Variants in MAEA observed in about 807,000 individuals in gnomAD.
MAEA encodes macrophage erythroblast attacher, E3 ubiquitin ligase, also known as E3 ubiquitin-protein transferase MAEA.
In MAEA, 22 loss-of-function variants were observed where a neutral mutation model predicts 46.2. That is an observed-to-expected ratio of 0.48 (90% CI 0.34 to 0.68). The LOEUF (loss-of-function observed/expected upper bound fraction) is 0.68. Ranked by LOEUF, MAEA falls within the 30% of genes least tolerant of loss-of-function variation. The pLI is 0.01. For missense variants in MAEA, 393 were observed against 558.1 expected (o/e 0.70, Z 2.98); for synonymous variants, 246 against 222.6 (o/e 1.11, Z -0.94).
At chr4:1,315,693 C>G in intron 3 of MAEA, 93 bp downstream of exon 3, 2 of 1,266,736 alleles carry the variant, frequency 1.6e-6, no homozygotes, top group Non-Finnish European at 2.2e-6. Context: ...TGCCTGTGTC[C>G]CTACATGCTT....
chr4:1,329,598 CGTCTTGGGAGTG>C, intron 5 of MAEA: 1 of 985,416 alleles, frequency 1.0e-6, no homozygotes, highest in South Asian at 4.7e-5. Context: ...CTGCTGGGGC[CGTCTTGGGAGTG>C]GTTCTCCAGG....
intron 5 of MAEA, chr4:1,329,186 G>T: frequency 1.0e-6 from 1 of 985,772 alleles, no homozygotes. Context: ...TCCGCATAGG[G>T]TCTGTTGACC....
At chr4:1,332,279 G>A (rs1711937571) in intron 5 of MAEA, 1 of 155,220 alleles carries the variant, frequency 6.4e-6, no homozygotes, top group African/African-American at 2.4e-5. Context: ...CCTGGAGGAA[G>A]GAGTGTCTGG....
At chr4:1,291,868 T>C (rs998781864) in intron 1 of MAEA, among the ~76,000 whole-genome samples, 1 of 152,216 alleles carries the variant, frequency 6.6e-6, no homozygotes, top group Non-Finnish European at 1.5e-5. Context: ...TAAAGAAATA[T>C]TATAGTGTCA....
intron 5 of MAEA, chr4:1,329,204 C>A: frequency 1.0e-6 from 1 of 985,676 alleles, no homozygotes; most frequent in Non-Finnish European, 1.2e-6. Context: ...ACCTGTTACC[C>A]CCACTCCGCA....
At chr4:1,329,611 G>A in intron 5 of MAEA, 5 of 985,526 alleles carry the variant, frequency 5.1e-6, no homozygotes, top group Non-Finnish European at 6.0e-6. Context: ...CTTGGGAGTG[G>A]TTCTCCAGGT....
Position 1,312,574 on chromosome 4 carries a change from C to T in MAEA, c.252+413C>T, listed in dbSNP as rs548766266. The stretch of plus-strand genomic sequence containing the variant: ...CCTCACGAGTAGCTGGGACTACAGG[C>T]GCCCACCACCACGCCCGTCTAATTT... On this transcript the variant is annotated intron_variant, in intron 2 of 8. Coordinates refer to ENST00000303400, the MANE Select transcript of MAEA (RefSeq NM_001017405.3). 2.9e-3 allele frequency: 527 copies of T among 179,330 alleles called. 1 individual carries two copies. The Middle Eastern group carries it at 0.044, about 15-fold the overall frequency. The allele number at this position is 179,330 out of a possible 1,614,324, so 11.1% of individuals were successfully genotyped here.
At chr4:1,292,607 G>A (rs1216187880) in intron 1 of MAEA, among the ~76,000 whole-genome samples, 1 of 152,196 alleles carries the variant, frequency 6.6e-6, no homozygotes, top group Non-Finnish European at 1.5e-5. Flanking sequence ...CATCCCTGGT[G>A]TCTGCCTGCC....
chr4:1,326,571 G>A (rs1738846225), intron 4 of MAEA, among the ~76,000 whole-genome samples: 1 of 152,184 alleles, frequency 6.6e-6, no homozygotes, highest in African/African-American at 2.4e-5. Flanking sequence ...AGGTGCACGT[G>A]AGAGGCTCAT....
At chr4:1,314,593 G>A (rs550759537) in intron 2 of MAEA, among the ~76,000 whole-genome samples, 30 of 152,328 alleles carry the variant, frequency 2.0e-4, no homozygotes, top group East Asian at 5.8e-4. Flanking sequence ...GAGATGGTGC[G>A]GGGAGAGTGA....
intron 5 of MAEA, chr4:1,328,658 CAG>C: frequency 1.6e-6 from 2 of 1,278,936 alleles, no homozygotes; most frequent in Non-Finnish European, 2.0e-6. Flanking sequence ...GAGTGTTCCA[CAG>C]AAGGCCCATT....
chr4:1,317,827 T>C (rs1737493428), intron 3 of MAEA, among the ~76,000 whole-genome samples: 1 of 152,134 alleles, frequency 6.6e-6, no homozygotes, highest in Admixed American at 6.5e-5. Flanking sequence ...GCAGTCTTGT[T>C]GAGTTTCCGA....
At chr4:1,320,096 C>G (rs1472356363) in intron 3 of MAEA, among the ~76,000 whole-genome samples, 1 of 138,958 alleles carries the variant, frequency 7.2e-6, no homozygotes, top group African/African-American at 2.8e-5. Context: ...AAGAAATCAT[C>G]AAAGCAAACA....
At chr4:1,325,383 C>T (rs745886996) in intron 4 of MAEA, among the ~76,000 whole-genome samples, 2 of 152,210 alleles carry the variant, frequency 1.3e-5, no homozygotes, top group African/African-American at 4.8e-5. Context: ...CGCTCCACGC[C>T]GTATGGGACA....
rs370075845 is a variant in MAEA, at chr4:1,312,171, G to A, written c.252+10G>A. 317 of 1,613,554 alleles carry A rather than the reference G, an allele frequency of 2.0e-4. No individual in the cohort carries two copies. The highest frequency in any genetic ancestry group is 2.4e-4 in the Non-Finnish European group (288 of 1,179,930). On this transcript the variant is annotated intron_variant, in intron 2 of 8. Coordinates refer to ENST00000303400, the MANE Select transcript of MAEA (RefSeq NM_001017405.3). ...CGTCCTCAAGAGGAAGGTTGGTCCC[G>A]CCTGGCGGTCCCTCTTCAGTCTGGG...
chr4:1,311,970 C>G lies in MAEA; in HGVS notation c.70-9C>G, dbSNP rs116504815. On this transcript the variant is annotated splice_polypyrimidine_tract_variant and intron_variant, in intron 1 of 8. Transcript: ENST00000303400. This position sits in a 1 kb window ranked among gnomAD's most constrained non-coding sequence, Gnocchi z 4.4. ...GAGCAGATCCCTCACCATCCTCCTTCCTCTCCAGGTGCCCTACGAGACGCT... is the reference window on the plus strand; with the variant it reads ...GAGCAGATCCCTCACCATCCTCCTTGCTCTCCAGGTGCCCTACGAGACGCT... 185 of 1,601,680 alleles carry G rather than the reference C, an allele frequency of 1.2e-4. No individual in the cohort carries two copies. The African/African-American group carries it at 2.3e-3, about 20-fold the overall frequency.
At chr4:1,339,018 A>G in intron 8 of MAEA, 56 bp from the exon 9 acceptor site, 1 of 1,358,930 alleles carries the variant, frequency 7.4e-7, no homozygotes, top group East Asian at 2.3e-5. Flanking sequence ...TTCCATGGAA[A>G]TCCGTGTGTA....
At chr4:1,316,795 C>T (rs1024583799) in intron 3 of MAEA, among the ~76,000 whole-genome samples, 8 of 152,040 alleles carry the variant, frequency 5.3e-5, no homozygotes, top group Non-Finnish European at 1.0e-4. Flanking sequence ...TCCAAGGCCT[C>T]GGGTGCCCAT....
intron 3 of MAEA, among the ~76,000 whole-genome samples, chr4:1,317,706 G>C (rs534928825): frequency 6.6e-6 from 1 of 152,214 alleles, no homozygotes; most frequent in East Asian, 1.9e-4. Flanking sequence ...ATGGCGTCTC[G>C]GTTCACAAGC....
Sources: allele counts gnomAD v4.1 joint callset (sites outside exome capture counted in the v4.1 genomes callset), GRCh38; gene constraint gnomAD v4.1.1; non-coding constraint Gnocchi (gnomAD v3.1); transcripts MANE v1.5; gene names NCBI Gene and HGNC (gene_info 2026-07-23, HGNC 2026-07-21).